The following AMD1 variants were observed in gnomAD, a reference collection of about 807,000 sequenced individuals.
AMD1 encodes adenosylmethionine decarboxylase 1.
AMD1 carries 11 observed loss-of-function variants against 40.2 expected under a neutral mutation model. The ratio of observed to expected loss-of-function variants is 0.27; its 90% CI spans 0.17 to 0.45. The LOEUF is 0.45. AMD1 is among the 20% of genes least tolerant of loss of function. The pLI, the probability that AMD1 is intolerant of heterozygous loss-of-function variation, is 1.00. For missense variants in AMD1, 257 were observed against 410.2 expected, an observed-to-expected ratio of 0.63 and a Z score of 3.23; for synonymous variants, 121 against 130.8, an observed-to-expected ratio of 0.93 and a Z score of 0.51.
At chr6:110,864,474 T>G in the AMD1 span, 1 of 154,556 alleles carries the variant, frequency 6.5e-6, no homozygotes, top group Non-Finnish European at 1.5e-5. Flanking sequence ...AGCATCTAAT[T>G]CCCCCAAAAG....
intron 1 of AMD1, 51 bp downstream of exon 1, chr6:110,875,266 C>T (rs753723963): frequency 6.0e-5 from 86 of 1,425,502 alleles, no homozygotes; most frequent in Non-Finnish European, 7.7e-5. Context: ...CTGTCGCCGC[C>T]GCCGAGGCAC....
chr6:110,815,302 T>G, the AMD1 span: 1 of 696,274 alleles, frequency 1.4e-6, no homozygotes, highest in South Asian at 3.6e-5. Context: ...AGCAAGGGAC[T>G]CCTCGGCGGC....
chr6:110,863,785 G>C, the AMD1 span: 1 of 297,576 alleles, frequency 3.4e-6, no homozygotes, highest in South Asian at 3.5e-5. Context: ...CATAACACTT[G>C]ACTTAAAAAC....
chr6:110,876,284 A>G (rs1785108117), intron 1 of AMD1, among the ~76,000 whole-genome samples: 1 of 152,214 alleles, frequency 6.6e-6, no homozygotes, highest in African/African-American at 2.4e-5. Context: ...AGGCCCTGCC[A>G]CCGGATCCCT....
At chr6:110,828,286 C>T in the AMD1 span, among the ~76,000 whole-genome samples, 1 of 151,954 alleles carries the variant, frequency 6.6e-6, no homozygotes, top group African/African-American at 2.4e-5. Context: ...CAAAAATTAG[C>T]CGGGTATGGG....
chr6:110,824,922 T>G, the AMD1 span, among the ~76,000 whole-genome samples: 1 of 152,138 alleles, frequency 6.6e-6, no homozygotes, highest in Non-Finnish European at 1.5e-5. Flanking sequence ...ATATGAAAAC[T>G]GAGGCTCCAG....
the AMD1 span, among the ~76,000 whole-genome samples, chr6:110,859,676 G>A: frequency 2.6e-5 from 4 of 152,172 alleles, no homozygotes; most frequent in Non-Finnish European, 5.9e-5. Context: ...GCTCCCAAGT[G>A]GCTGCATTTC....
the AMD1 span, among the ~76,000 whole-genome samples, chr6:110,816,887 C>T: frequency 6.6e-6 from 1 of 152,268 alleles, no homozygotes; most frequent in East Asian, 1.9e-4. Flanking sequence ...CATGCCGGGC[C>T]CCACTTCCTT....
the AMD1 span, among the ~76,000 whole-genome samples, chr6:110,843,613 G>A: frequency 2.0e-5 from 3 of 152,086 alleles, no homozygotes; most frequent in African/African-American, 7.2e-5. Context: ...TTTTGAGACA[G>A]GGTCTCACTA....
chr6:110,831,719 C>T, the AMD1 span, among the ~76,000 whole-genome samples: 2 of 152,342 alleles, frequency 1.3e-5, no homozygotes, highest in Admixed American at 1.3e-4. Flanking sequence ...TCTCGTCTTA[C>T]AACACCACTC....
chr6:110,854,900 T>C, the AMD1 span, among the ~76,000 whole-genome samples: 1 of 152,170 alleles, frequency 6.6e-6, no homozygotes, highest in Non-Finnish European at 1.5e-5. Context: ...AAATACACAG[T>C]ATATATGAGA....
At chr6:110,883,482 C>G (rs1392757315) in intron 1 of AMD1, among the ~76,000 whole-genome samples, 6 of 152,182 alleles carry the variant, frequency 3.9e-5, no homozygotes, top group Non-Finnish European at 7.3e-5. Context: ...TGGAAGAAAT[C>G]TCTTTTTTGC....
At chr6:110,893,385 C>G in intron 8 of AMD1, 91 bp from the exon 9 acceptor site, 2 of 1,512,298 alleles carry the variant, frequency 1.3e-6, no homozygotes, top group Non-Finnish European at 1.8e-6. Context: ...GTCTTAGTTT[C>G]ATTAAGATAA....
upstream of AMD1, among the ~76,000 whole-genome samples, chr6:110,873,544 T>A (rs1430556074): frequency 6.6e-6 from 1 of 152,232 alleles, no homozygotes; most frequent in Non-Finnish European, 1.5e-5. Flanking sequence ...GACATCATCT[T>A]ATTTCACTTT....
rs759500430 is a variant in AMD1, at chr6:110,892,717, G to A, written c.616-18G>A. 11 of 1,513,188 alleles carry A rather than the reference G, an allele frequency of 7.3e-6. No individual in the cohort carries two copies. The African/African-American group carries it at 1.5e-4, about 21-fold the overall frequency. 93.7% of individuals were successfully genotyped at this position (1,513,188 alleles called of 1,614,324 possible). On this transcript the variant is annotated intron_variant, in intron 6 of 8. Transcript: ENST00000368885. ...ATTTGTCAAACCCTTGTTAAACTCG[G>A]TCTTTTTCCCCCCCCAGGAGAGTGG...
At chr6:110,875,302 C>T (rs1370660588) in intron 1 of AMD1, 87 bp downstream of exon 1, 25 of 1,129,922 alleles carry the variant, frequency 2.2e-5, no homozygotes, top group African/African-American at 6.2e-5. Flanking sequence ...CCCGAGTTCC[C>T]TCAGCTTTCA....
upstream of AMD1, among the ~76,000 whole-genome samples, chr6:110,874,328 A>G (rs1784980041): frequency 6.6e-6 from 1 of 152,214 alleles, no homozygotes; most frequent in Non-Finnish European, 1.5e-5. Flanking sequence ...ACTTTTAAGA[A>G]TGGCCAAGTA....
the AMD1 span, chr6:110,858,653 G>A: frequency 2.5e-6 from 3 of 1,224,352 alleles, no homozygotes; most frequent in African/African-American, 1.5e-5. Flanking sequence ...GCTGCAGAGC[G>A]GGGTGGACAT....
chr6:110,884,197 A>G (rs1398930789), intron 1 of AMD1, among the ~76,000 whole-genome samples: 1 of 152,206 alleles, frequency 6.6e-6, no homozygotes, highest in African/African-American at 2.4e-5. Flanking sequence ...CCATAACACA[A>G]CCTAGAAACA....
Sources: gnomAD v4.1 joint callset for allele counts (sites outside exome capture counted in the v4.1 genomes callset) on GRCh38, gnomAD v4.1.1 for gene constraint, MANE v1.5 for transcripts, NCBI Gene and HGNC (gene_info 2026-07-23, HGNC 2026-07-21) for gene names.